Variants in FRMD4A observed in about 807,000 individuals in gnomAD.
The protein encoded by FRMD4A is FERM domain-containing protein 4A.
In FRMD4A, 29 loss-of-function variants were observed where a neutral mutation model predicts 129.1. That is an observed-to-expected ratio of 0.22 (90% confidence interval 0.17 to 0.31). The LOEUF (loss-of-function observed/expected upper bound fraction) is 0.31, where lower values mean the gene tolerates loss of function less well. Among genes scored for constraint, FRMD4A ranks in the 10% least tolerant of loss-of-function variants. The pLI, the probability that FRMD4A is intolerant of heterozygous loss-of-function variation, is 1.00. For synonymous variants in FRMD4A, 634 were observed against 571.6 expected (o/e 1.11, Z -1.56); for missense variants, 1,272 against 1,375.8 (o/e 0.92, Z 1.19).
At chr10:13,965,529 A>G (rs909229713) in intron 2 of FRMD4A, among the ~76,000 whole-genome samples, 6 of 152,208 alleles carry the variant, frequency 3.9e-5, no homozygotes, top group Non-Finnish European at 7.3e-5. Flanking sequence ...TTCTTTATTG[A>G]AGGAACTAGA....
At chr10:14,220,034 G>A (rs1320607685) in intron 2 of FRMD4A, among the ~76,000 whole-genome samples, 1 of 152,184 alleles carries the variant, frequency 6.6e-6, no homozygotes, top group Non-Finnish European at 1.5e-5. Flanking sequence ...CAGTTTTCAT[G>A]CCAGGGTGTC....
chr10:14,095,040 G>A (rs1334740094), intron 2 of FRMD4A, among the ~76,000 whole-genome samples: 1 of 152,150 alleles, frequency 6.6e-6, no homozygotes, highest in Non-Finnish European at 1.5e-5. Flanking sequence ...ATGTGCATGT[G>A]TGTGTATGAA....
chr10:13,936,014 A>T (rs1177129140), intron 2 of FRMD4A, among the ~76,000 whole-genome samples: 2 of 152,194 alleles, frequency 1.3e-5, no homozygotes, highest in African/African-American at 4.8e-5. Context: ...CACAAGAGGG[A>T]TTTCTTTAGA....
intron 2 of FRMD4A, among the ~76,000 whole-genome samples, chr10:13,966,522 G>A (rs776501325): frequency 1.3e-5 from 2 of 152,206 alleles, no homozygotes; most frequent in Non-Finnish European, 2.9e-5. Context: ...AAAAGTCCCC[G>A]TTGAGAAGAG....
At chr10:13,721,771 T>C (rs2089433563) in intron 12 of FRMD4A, among the ~76,000 whole-genome samples, 1 of 152,234 alleles carries the variant, frequency 6.6e-6, no homozygotes, top group African/African-American at 2.4e-5. Context: ...ACACGGCTAG[T>C]GAGGAGTCTG....
intron 2 of FRMD4A, among the ~76,000 whole-genome samples, chr10:13,980,303 C>T (rs1411987691): frequency 5.9e-5 from 9 of 152,138 alleles, no homozygotes; most frequent in Non-Finnish European, 7.3e-5. Flanking sequence ...AGTCCAGAGT[C>T]GGGACTCCAA....
intron 2 of FRMD4A, among the ~76,000 whole-genome samples, chr10:14,141,267 C>T (rs1839820235): frequency 6.6e-6 from 1 of 152,182 alleles, no homozygotes; most frequent in Non-Finnish European, 1.5e-5. Flanking sequence ...GATGTGCCCA[C>T]AGGATCCAAG....
rs548746680 is a variant in FRMD4A, at chr10:13,956,730, A to G, written c.46-97818T>C. Among the ~76,000 whole-genome samples the G allele has an allele frequency of 4.1e-4, 63 of 152,342 alleles. 1 individual carries two copies. Among genetic ancestry groups the G allele is most frequent in the Non-Finnish European group, 6.0e-4 (41 of 68,032 alleles). ...CGGCAGAGAAAACTGTTAGTTTACT[A>G]GACAATTAAGCAGTGAGTACTAAGA... On this transcript the variant is annotated intron_variant, in intron 2 of 24. Transcript: ENST00000357447.
intron 2 of FRMD4A, among the ~76,000 whole-genome samples, chr10:14,153,022 G>A (rs1279571678): frequency 2.6e-5 from 4 of 152,208 alleles, no homozygotes; most frequent in Non-Finnish European, 5.9e-5. Flanking sequence ...GGCCTCGGCA[G>A]AGACTCGTGG....
chr10:14,298,319 G>C (rs1412967290), intron 2 of FRMD4A, among the ~76,000 whole-genome samples: 1 of 152,124 alleles, frequency 6.6e-6, no homozygotes, highest in Non-Finnish European at 1.5e-5. Context: ...AATCCTCTTG[G>C]TCTAGTTTTC....
chr10:13,786,994 G>A (rs546199132), intron 5 of FRMD4A, among the ~76,000 whole-genome samples: 1 of 151,936 alleles, frequency 6.6e-6, no homozygotes, highest in Non-Finnish European at 1.5e-5. Context: ...TTCCCTTTTC[G>A]TTTCCACTCT....
intron 2 of FRMD4A, among the ~76,000 whole-genome samples, chr10:14,071,085 G>A (rs1193183633): frequency 5.9e-5 from 9 of 152,204 alleles, no homozygotes; most frequent in Non-Finnish European, 2.9e-5. Flanking sequence ...GAAAGAACCC[G>A]GATCCCTGGA....
chr10:13,789,810 G>A (rs1361062950), intron 5 of FRMD4A, among the ~76,000 whole-genome samples: 1 of 106,744 alleles, frequency 9.4e-6, no homozygotes, highest in Non-Finnish European at 2.0e-5. Context: ...TGTGTTGTGT[G>A]GTGAGGGGAG....
At chr10:14,242,369 T>C (rs1272405230) in intron 2 of FRMD4A, among the ~76,000 whole-genome samples, 1 of 152,208 alleles carries the variant, frequency 6.6e-6, no homozygotes, top group Non-Finnish European at 1.5e-5. Flanking sequence ...CAAGCTAATT[T>C]TATTCTCACA....
chr10:14,082,833 G>T (rs1192164063), intron 2 of FRMD4A: 1 of 152,138 alleles, frequency 6.6e-6, no homozygotes, highest in African/African-American at 2.4e-5. Context: ...CCCTCCAAAG[G>T]TCTGACAAAG....
At chr10:13,651,233 A>C (rs1445515721) in intron 24 of FRMD4A, 1 of 152,264 alleles carries the variant, frequency 6.6e-6, no homozygotes, top group African/African-American at 2.4e-5. Flanking sequence ...TGGCTTATGG[A>C]CATTTGGAAA....
chr10:14,267,951 C>A (rs1456086127), intron 2 of FRMD4A, among the ~76,000 whole-genome samples: 2 of 152,124 alleles, frequency 1.3e-5, no homozygotes, highest in Non-Finnish European at 2.9e-5. Context: ...TATCTTAAAT[C>A]TAGCTTTGGT....
chr10:13,680,905 T>C (rs2084520122), intron 15 of FRMD4A, among the ~76,000 whole-genome samples: 1 of 151,888 alleles, frequency 6.6e-6, no homozygotes. Flanking sequence ...ATGATCTAAA[T>C]CTGCTATCAT....
At chr10:14,297,089 C>T (rs1433760301) in intron 2 of FRMD4A, among the ~76,000 whole-genome samples, 2 of 152,062 alleles carry the variant, frequency 1.3e-5, no homozygotes, top group Non-Finnish European at 2.9e-5. Context: ...CTGCCAGATC[C>T]AGAGAATGCC....
Sources: gnomAD v4.1 joint callset for allele counts (sites outside exome capture counted in the v4.1 genomes callset) on GRCh38, gnomAD v4.1.1 for gene constraint, MANE v1.5 for transcripts, NCBI Gene and HGNC (gene_info 2026-07-23, HGNC 2026-07-21) for gene names.